Variants in NPAS3 observed in about 807,000 individuals in gnomAD.
The protein encoded by NPAS3 is neuronal PAS domain-containing protein 3.
NPAS3 carries 14 observed loss-of-function variants against 73.1 expected under a neutral mutation model. The observed-to-expected ratio is 0.19, with a 90% CI of 0.13 to 0.30. NPAS3 has a LOEUF of 0.30. Among genes scored for constraint, NPAS3 ranks in the 10% least tolerant of loss-of-function variants. The pLI is 1.00. For missense variants in NPAS3, 1,096 were observed against 1,250.0 expected (o/e 0.88, Z 1.86); for synonymous variants, 620 against 541.5 (o/e 1.14, Z -2.01).
At chr14:33,538,242 T>C (rs1192869277) in intron 4 of NPAS3, among the ~76,000 whole-genome samples, 1 of 152,160 alleles carries the variant, frequency 6.6e-6, no homozygotes, top group Non-Finnish European at 1.5e-5. Context: ...TCAAAGGTCC[T>C]AAAGGACCCA....
intron 1 of NPAS3, among the ~76,000 whole-genome samples, chr14:32,975,986 C>A (rs2037659342): frequency 6.6e-6 from 1 of 151,942 alleles, no homozygotes; most frequent in Non-Finnish European, 1.5e-5. Flanking sequence ...TTGGGGACCA[C>A]AACTATGACA....
At chr14:33,403,080 A>G (rs966182444) in intron 4 of NPAS3, among the ~76,000 whole-genome samples, 21 of 152,124 alleles carry the variant, frequency 1.4e-4, no homozygotes, top group African/African-American at 5.1e-4. Flanking sequence ...GAGATCTATG[A>G]ACAATAGAAA....
chr14:33,218,586 A>G (rs2047310044), intron 3 of NPAS3, among the ~76,000 whole-genome samples: 1 of 152,212 alleles, frequency 6.6e-6, no homozygotes, highest in Non-Finnish European at 1.5e-5. Context: ...ATAATCCAGC[A>G]ATAAAACGAT....
intron 1 of NPAS3, among the ~76,000 whole-genome samples, chr14:32,949,537 C>T (rs2036399884): frequency 1.3e-5 from 2 of 151,856 alleles, no homozygotes; most frequent in African/African-American, 4.8e-5. Context: ...AAACAGAAGC[C>T]GTCTTCAGAG....
chr14:33,489,791 T>G (rs1288679963), intron 4 of NPAS3, among the ~76,000 whole-genome samples: 3 of 152,174 alleles, frequency 2.0e-5, no homozygotes, highest in Admixed American at 6.5e-5. Flanking sequence ...TTGTCGAGTT[T>G]CCTGCTGAGT....
chr14:33,378,930 A>G (rs978639020), intron 4 of NPAS3, among the ~76,000 whole-genome samples: 15 of 152,200 alleles, frequency 9.9e-5, no homozygotes, highest in African/African-American at 3.1e-4. Context: ...AGCACCTCTA[A>G]TCTGAAAATC....
intron 5 of NPAS3, among the ~76,000 whole-genome samples, chr14:33,582,709 C>T (rs1999162): frequency 0.29 from 43,596 of 151,904 alleles, 10,093 homozygotes; most frequent in African/African-American, 0.65. Context: ...AAGTTCATAG[C>T]GGATATTAAG....
At chr14:33,441,546 C>A (rs1185893921) in intron 4 of NPAS3, among the ~76,000 whole-genome samples, 3 of 152,208 alleles carry the variant, frequency 2.0e-5, no homozygotes, top group African/African-American at 7.2e-5. Context: ...CCTTTGAAGG[C>A]AGCCCATCCT....
At position 33,181,464 on chromosome 14, in the gene NPAS3, G is replaced by C. The variant is rs374680974; in HGVS notation, c.141-33718G>C. Among the ~76,000 whole-genome samples, 8 of 152,322 alleles carry C rather than the reference G, an allele frequency of 5.3e-5. No individual in the cohort carries two copies. The East Asian group carries it at 9.6e-4, about 18-fold the overall frequency. On this transcript the variant is annotated intron_variant, in intron 2 of 11. Coordinates refer to ENST00000356141, the Ensembl canonical transcript of NPAS3. ...TTGCATAGTGAGATAGTGGGACAATGAGTCCCTCCCATGTGATAATTTACT... is the reference window on the plus strand; with the variant it reads ...TTGCATAGTGAGATAGTGGGACAATCAGTCCCTCCCATGTGATAATTTACT...
intron 5 of NPAS3, among the ~76,000 whole-genome samples, chr14:33,646,297 A>G (rs1050966758): frequency 1.3e-5 from 2 of 152,184 alleles, no homozygotes; most frequent in African/African-American, 4.8e-5. Flanking sequence ...GGAGTAGGGG[A>G]AATGCCATCT....
chr14:33,027,481 A>T (rs1381694931), intron 1 of NPAS3, among the ~76,000 whole-genome samples: 1 of 152,092 alleles, frequency 6.6e-6, no homozygotes, highest in Non-Finnish European at 1.5e-5. Flanking sequence ...ATTTACTTAA[A>T]CTACTTACTC....
chr14:33,216,663 C>A (rs2047234691), intron 3 of NPAS3, among the ~76,000 whole-genome samples: 1 of 152,128 alleles, frequency 6.6e-6, no homozygotes, highest in Admixed American at 6.6e-5. Flanking sequence ...ATAAAATTAG[C>A]CATAGACAAT....
intron 7 of NPAS3, among the ~76,000 whole-genome samples, chr14:33,747,654 T>C (rs1194611762): frequency 6.6e-6 from 1 of 152,262 alleles, no homozygotes. Context: ...TTATTTGAAC[T>C]ACCAGTGAGC....
chr14:33,246,839 CAAAAAAAAAA>C (rs571439161), intron 3 of NPAS3, among the ~76,000 whole-genome samples: 21 of 61,962 alleles, frequency 3.4e-4, no homozygotes, highest in African/African-American at 1.5e-3. Flanking sequence ...ATTAAAAATA[CAAAAAAAAAA>C]AAAAAAAAAA....
chr14:33,016,265 T>A (rs1401778537), intron 1 of NPAS3, among the ~76,000 whole-genome samples: 4 of 152,072 alleles, frequency 2.6e-5, no homozygotes, highest in Admixed American at 6.5e-5. Flanking sequence ...ATAAAAAAAA[T>A]TTTTGCCCCG....
intron 4 of NPAS3, among the ~76,000 whole-genome samples, chr14:33,500,459 A>C (rs1337745072): frequency 6.6e-6 from 1 of 151,922 alleles, no homozygotes; most frequent in East Asian, 1.9e-4. Context: ...AGGCTGCTAC[A>C]GATGAATCGG....
At chr14:33,512,112 A>AC (rs1425125748) in intron 4 of NPAS3, among the ~76,000 whole-genome samples, 1 of 152,102 alleles carries the variant, frequency 6.6e-6, no homozygotes, top group African/African-American at 2.4e-5. Flanking sequence ...CCATAGATGA[A>AC]CAGCACAAGC....
chr14:33,764,309 C>G (rs2062391020), intron 7 of NPAS3, among the ~76,000 whole-genome samples: 2 of 152,136 alleles, frequency 1.3e-5, no homozygotes. Context: ...GTTCTGCTAG[C>G]AAACTCAAGA....
intron 4 of NPAS3, among the ~76,000 whole-genome samples, chr14:33,448,145 A>G (rs1299266071): frequency 6.6e-6 from 1 of 152,228 alleles, no homozygotes; most frequent in Non-Finnish European, 1.5e-5. Context: ...CTTTTAAGAC[A>G]TATGTTAAAG....
Sources: gnomAD v4.1 joint callset for allele counts (sites outside exome capture counted in the v4.1 genomes callset) on GRCh38, gnomAD v4.1.1 for gene constraint, MANE v1.5 for transcripts, NCBI Gene and HGNC (gene_info 2026-07-23, HGNC 2026-07-21) for gene names.